Variants in IL12RB2 observed in about 807,000 individuals in gnomAD.
The protein encoded by IL12RB2 is interleukin-12 receptor subunit beta-2.
Under a neutral mutation model 89.4 loss-of-function variants are expected in IL12RB2, and 82 were observed. That is an observed-to-expected ratio of 0.92 (90% CI 0.77 to 1.10). IL12RB2 has a LOEUF of 1.10. Among genes scored for constraint, IL12RB2 ranks in the 50% least tolerant of loss-of-function variants. IL12RB2 has a pLI of 0.00. For synonymous variants in IL12RB2, 368 were observed against 370.1 expected (o/e 0.99, Z 0.07); for missense variants, 963 against 1,031.9 (o/e 0.93, Z 0.92).
intron 4 of IL12RB2, 142 bp downstream of exon 4, chr1:67,322,031 C>A (rs997578439): frequency 1.3e-6 from 1 of 754,678 alleles, no homozygotes. Flanking sequence ...ATCTTGATAC[C>A]GACCTGAGAG....
intron 10 of IL12RB2, among the ~76,000 whole-genome samples, chr1:67,365,606 G>T (rs1378777528): frequency 6.6e-6 from 1 of 152,078 alleles, no homozygotes; most frequent in Non-Finnish European, 1.5e-5. Flanking sequence ...TGGTAAAGTG[G>T]CCAAGCCAGA....
intron 6 of IL12RB2, among the ~76,000 whole-genome samples, chr1:67,328,821 T>C (rs1415839567): frequency 2.0e-5 from 3 of 152,128 alleles, no homozygotes; most frequent in African/African-American, 7.2e-5. Flanking sequence ...AAACTATAAA[T>C]AAAATTTCTC....
At chr1:67,333,390 T>G (rs1658345004) in intron 8 of IL12RB2, among the ~76,000 whole-genome samples, 1 of 110,344 alleles carries the variant, frequency 9.1e-6, no homozygotes, top group Non-Finnish European at 1.7e-5. Context: ...AATAGTAAGC[T>G]TTTTTTTTTT....
intron 15 of IL12RB2, among the ~76,000 whole-genome samples, chr1:67,387,388 T>C (rs1217860850): frequency 6.6e-6 from 1 of 151,966 alleles, no homozygotes; most frequent in African/African-American, 2.4e-5. Flanking sequence ...TATGTGTCCA[T>C]GAAAGATGAT....
At chr1:67,314,808 T>C (rs1463904989) in intron 2 of IL12RB2, among the ~76,000 whole-genome samples, 3 of 152,100 alleles carry the variant, frequency 2.0e-5, no homozygotes, top group Non-Finnish European at 4.4e-5. Flanking sequence ...TACCGGTCGG[T>C]GTATTTCTGG....
At chr1:67,349,043 C>T (rs935894908) in intron 9 of IL12RB2, among the ~76,000 whole-genome samples, 1 of 152,156 alleles carries the variant, frequency 6.6e-6, no homozygotes, top group African/African-American at 2.4e-5. Context: ...AGAGCCACAC[C>T]CCTATTTACT....
In IL12RB2 at chr1:67,321,737, A is replaced by G. The variant is rs200341672; in HGVS notation, c.212A>G (p.Tyr71Cys). ...TCCAGACGTAACAAGTTAATCCTGT[A>G]CAAGTTTGACAGAAGAATCAATTTT... ...HYSRRNKLIL[Y>C]KFDRRINFHH... The change falls in exon 4 of 17, where the codon TAC becomes TGC. Residue 71 changes from tyrosine to cysteine, a missense_variant. Tyr to Cys is a radical substitution (Grantham distance 194, BLOSUM62 -2). Coordinates refer to ENST00000674203, the MANE Select transcript of IL12RB2 (RefSeq NM_001374259.2). 2.2e-4 allele frequency: 348 copies of G among 1,612,854 alleles called. No individual in the cohort carries two copies. Among genetic ancestry groups the G allele is most frequent in the Non-Finnish European group, 2.9e-4 (341 of 1,178,868 alleles).
chr1:67,362,176 CAGG>C (rs1258036926), intron 10 of IL12RB2, among the ~76,000 whole-genome samples: 3 of 152,228 alleles, frequency 2.0e-5, no homozygotes, highest in Non-Finnish European at 1.5e-5. Context: ...GAGGCTGCTG[CAGG>C]AGAACTGCTC....
intron 8 of IL12RB2, among the ~76,000 whole-genome samples, chr1:67,334,509 G>C (rs1042427505): frequency 2.0e-5 from 3 of 152,158 alleles, no homozygotes; most frequent in Non-Finnish European, 4.4e-5. Context: ...GACGGAGTCT[G>C]GCTCTGTCAC....
intron 2 of IL12RB2, among the ~76,000 whole-genome samples, chr1:67,315,641 A>T (rs747623397): frequency 6.6e-6 from 1 of 152,230 alleles, no homozygotes; most frequent in Non-Finnish European, 1.5e-5. Flanking sequence ...GGGACATGGG[A>T]GACATGAAAA....
chr1:67,331,487 T>C (rs1178189399), intron 8 of IL12RB2, among the ~76,000 whole-genome samples: 1 of 152,250 alleles, frequency 6.6e-6, no homozygotes, highest in African/African-American at 2.4e-5. Flanking sequence ...ATGTAAACTT[T>C]ATGCCAATAT....
intron 16 of IL12RB2, 122 bp downstream of exon 16, chr1:67,390,250 A>G (rs1199853282): frequency 5.8e-6 from 4 of 686,780 alleles, no homozygotes; most frequent in Non-Finnish European, 1.1e-5. Flanking sequence ...TAAGTTATTC[A>G]CGCTTGGCTA....
chr1:67,328,466 GA>G (rs1395097670), intron 6 of IL12RB2, 82 bp downstream of exon 6: 1 of 1,599,034 alleles, frequency 6.3e-7, no homozygotes, highest in Non-Finnish European at 8.5e-7. Flanking sequence ...GTTGTTTCAA[GA>G]AAGACAGAGA....
Position 67,328,327 on chromosome 1 carries a change from G to C in IL12RB2, c.607G>C (p.Val203Leu). 6.2e-7 allele frequency: 1 copy of C among 1,614,152 alleles called. No homozygotes were observed. Among genetic ancestry groups the C allele is most frequent in the African/African-American group, 1.3e-5 (1 of 75,046 alleles). ...ESNFTAKVTA[V>L]NSLGSSSSLP... ...CAATTTCACAGCCAAGGTTACTGCT[G>C]TCAATAGTCTTGGAAGCTCCTCTTC... Residue 203 changes from valine to leucine, a missense_variant, in exon 6 of 17, where the codon GTC (valine) becomes CTC (leucine). Val to Leu is a conservative substitution (Grantham distance 32). Transcript: ENST00000674203.
intron 9 of IL12RB2, among the ~76,000 whole-genome samples, chr1:67,340,701 A>G (rs908656304): frequency 6.6e-6 from 1 of 152,258 alleles, no homozygotes; most frequent in Admixed American, 6.5e-5. Context: ...AACAGAGTTT[A>G]TAGTGGACAT....
chr1:67,395,855 C>A lies in IL12RB2; in HGVS notation c.2355C>A (p.Pro785=), dbSNP rs1424249454. The A allele has an allele frequency of 1.2e-6, 2 of 1,610,262 alleles. No individual in the cohort carries two copies. The highest frequency in any genetic ancestry group is 3.3e-5 in the Admixed American group (2 of 59,872). The stretch of plus-strand genomic sequence containing the variant: ...CAAAGCCCGAAAACCCAGCCTGTCC[C>A]TGGACGGTGCTCCCAGCAGGTGACC... ...SDPKPENPAC[P]WTVLPAGDLP... The change falls in exon 17 of 17, where the codon CCC becomes CCA. Residue 785 remains proline, a synonymous_variant. Transcript: ENST00000674203.
chr1:67,395,428 T>A, intron 16 of IL12RB2, 119 bp from the exon 17 acceptor site: 1 of 1,591,248 alleles, frequency 6.3e-7, no homozygotes, highest in East Asian at 2.2e-5. Context: ...GTGCCCAACA[T>A]GTTCCAGCCA....
intron 13 of IL12RB2, 151 bp from the exon 14 acceptor site, chr1:67,379,835 T>C: frequency 1.5e-6 from 1 of 667,278 alleles, no homozygotes; most frequent in Non-Finnish European, 2.7e-6. Flanking sequence ...TATTAAGGTA[T>C]TAAGTACTGA....
chr1:67,382,864 C>T (rs1664754911), intron 14 of IL12RB2, among the ~76,000 whole-genome samples: 1 of 152,116 alleles, frequency 6.6e-6, no homozygotes, highest in Admixed American at 6.5e-5. Flanking sequence ...TGCCACCATG[C>T]CCAGCTAATC....
Sources: allele counts gnomAD v4.1 joint callset (sites outside exome capture counted in the v4.1 genomes callset), GRCh38; gene constraint gnomAD v4.1.1; transcripts MANE v1.5; gene names NCBI Gene and HGNC (gene_info 2026-07-23, HGNC 2026-07-21).